Variants in LCLAT1 observed in about 807,000 individuals in gnomAD.
The protein encoded by LCLAT1 is lysocardiolipin acyltransferase 1.
A neutral mutation model predicts 30.7 loss-of-function variants in LCLAT1; 11 were observed. That is an observed-to-expected ratio of 0.36 (90% CI 0.23 to 0.59). LCLAT1 has a LOEUF of 0.59. LCLAT1 is among the 20% of genes least tolerant of loss of function. The probability of loss-of-function intolerance (pLI) is 0.77; values close to 1 mark genes in which losing one functional copy is unlikely to be tolerated. For missense variants in LCLAT1, 402 were observed against 458.6 expected (o/e 0.88, Z 1.13); for synonymous variants, 155 against 151.3 (o/e 1.02, Z -0.18).
At chr2:30,636,868 CTG>C (rs1558572179) in intron 5 of LCLAT1, among the ~76,000 whole-genome samples, 1 of 152,178 alleles carries the variant, frequency 6.6e-6, no homozygotes, top group African/African-American at 2.4e-5. Context: ...TTAAGATTGA[CTG>C]TGACACTCAC....
At chr2:30,612,588 AT>A (rs1266643362) in intron 5 of LCLAT1, among the ~76,000 whole-genome samples, 6 of 152,196 alleles carry the variant, frequency 3.9e-5, no homozygotes, top group African/African-American at 1.4e-4. Context: ...TAATATAGTG[AT>A]TGCACAGATT....
intron 1 of LCLAT1, among the ~76,000 whole-genome samples, chr2:30,488,269 TTGGC>T (rs1489871136): frequency 3.3e-5 from 5 of 152,258 alleles, no homozygotes. Flanking sequence ...TCAGATTACT[TTGGC>T]TGTAAGTTTC....
chr2:30,579,586 G>A (rs1324531638), intron 5 of LCLAT1, among the ~76,000 whole-genome samples: 1 of 152,112 alleles, frequency 6.6e-6, no homozygotes, highest in Non-Finnish European at 1.5e-5. Flanking sequence ...TAGGGAATAG[G>A]ACTTTGAATT....
intron 3 of LCLAT1, among the ~76,000 whole-genome samples, chr2:30,551,817 C>A (rs934523074): frequency 1.9e-4 from 29 of 152,240 alleles, no homozygotes; most frequent in African/African-American, 6.5e-4. Flanking sequence ...CCTCCCTCTT[C>A]CACTTAAAAA....
chr2:30,557,468 G>C (rs1239387969), intron 3 of LCLAT1, among the ~76,000 whole-genome samples: 1 of 151,630 alleles, frequency 6.6e-6, no homozygotes, highest in Non-Finnish European at 1.5e-5. Flanking sequence ...AGCCTGGAGT[G>C]CAATGGCACA....
intron 5 of LCLAT1, among the ~76,000 whole-genome samples, chr2:30,636,705 T>C (rs1669044742): frequency 1.3e-5 from 2 of 152,134 alleles, no homozygotes; most frequent in African/African-American, 2.4e-5. Context: ...ACCTTTACTA[T>C]AGATCATCAA....
chr2:30,640,273 T>C lies in LCLAT1; in HGVS notation c.785T>C (p.Leu262Pro). The C allele has an allele frequency of 6.2e-7, 1 of 1,614,160 alleles. No homozygotes were observed. Among genetic ancestry groups the C allele is most frequent in the Non-Finnish European group, 8.5e-7 (1 of 1,180,022 alleles). Residue 262 changes from leucine to proline, a missense_variant, in exon 6 of 6, where the codon CTT (leucine) becomes CCT (proline). By Grantham distance (98) the Leu-to-Pro change is moderately conservative. Coordinates refer to ENST00000379509, the MANE Select transcript of LCLAT1 (RefSeq NM_001002257.3). Reference protein sequence around the residue: ...IDTLPTSKEDLQLWCHKRWEE... With the variant: ...IDTLPTSKEDPQLWCHKRWEE... Reference sequence around the variant, plus strand: ...ACCCTCCCCACATCCAAGGAGGACCTTCAACTCTGGTGCCACAAACGGTGG... The same window carrying C: ...ACCCTCCCCACATCCAAGGAGGACCCTCAACTCTGGTGCCACAAACGGTGG...
intron 1 of LCLAT1, among the ~76,000 whole-genome samples, chr2:30,458,375 TAGAC>T (rs1020723704): frequency 6.6e-6 from 1 of 152,202 alleles, no homozygotes; most frequent in African/African-American, 2.4e-5. Context: ...TGGATCTTGA[TAGAC>T]AGAAGGCTTT....
At chr2:30,583,135 A>G (rs1249010106) in intron 5 of LCLAT1, among the ~76,000 whole-genome samples, 1 of 152,226 alleles carries the variant, frequency 6.6e-6, no homozygotes, top group Non-Finnish European at 1.5e-5. Context: ...CAACACATAT[A>G]ACTAGCTATT....
chr2:30,506,338 A>C (rs1308937760), intron 1 of LCLAT1, among the ~76,000 whole-genome samples: 1 of 152,016 alleles, frequency 6.6e-6, no homozygotes, highest in East Asian at 1.9e-4. Flanking sequence ...TGTCTTTGGA[A>C]TATTTTTAAC....
intron 3 of LCLAT1, among the ~76,000 whole-genome samples, chr2:30,540,977 T>A (rs962968702): frequency 1.3e-5 from 2 of 152,180 alleles, no homozygotes; most frequent in Non-Finnish European, 2.9e-5. Flanking sequence ...TTATTTTTTT[T>A]AAAGGTAATG....
intron 1 of LCLAT1, among the ~76,000 whole-genome samples, chr2:30,480,927 G>C (rs536257093): frequency 1.3e-5 from 2 of 152,338 alleles, no homozygotes; most frequent in South Asian, 4.1e-4. Flanking sequence ...ACTGCTGGCT[G>C]TAATGAGAGC....
intron 5 of LCLAT1, among the ~76,000 whole-genome samples, chr2:30,615,685 A>G (rs994458153): frequency 1.3e-5 from 2 of 152,190 alleles, no homozygotes; most frequent in African/African-American, 2.4e-5. Context: ...GTCTTTCTCC[A>G]TAAGACTTAT....
Position 30,643,697 on chromosome 2 carries a change from A to T in LCLAT1, c.*3078A>T, listed in dbSNP as rs1002765137. 6.6e-6 allele frequency: 1 copy of T among 152,628 alleles called. No individual in the cohort carries two copies. Among genetic ancestry groups the T allele is most frequent in the Non-Finnish European group, 1.5e-5 (1 of 68,040 alleles). 9.5% of individuals were successfully genotyped at this position (152,628 alleles called of 1,614,324 possible). A position where few individuals can be genotyped will look rare whatever the true frequency, so the allele number is the denominator to read the frequency against. On this transcript the variant is annotated 3_prime_UTR_variant, in exon 6 of 6. Transcript: ENST00000379509. ...GTGTGCATTTACAATAAAGACTCCA[A>T]CGGAGGGAGCCTGTTGGTGTTAAAT...
At chr2:30,628,070 A>G (rs1040514906) in intron 5 of LCLAT1, among the ~76,000 whole-genome samples, 20 of 152,214 alleles carry the variant, frequency 1.3e-4, no homozygotes, top group Non-Finnish European at 2.8e-4. Flanking sequence ...TAAGTTGGCT[A>G]TATATATACA....
At chr2:30,507,427 T>C (rs1020573638) in intron 1 of LCLAT1, among the ~76,000 whole-genome samples, 2 of 152,162 alleles carry the variant, frequency 1.3e-5, no homozygotes, top group African/African-American at 4.8e-5. Context: ...GTCACCCAGG[T>C]ATTAAGCCTA....
chr2:30,546,120 A>G (rs1664398438), intron 3 of LCLAT1, among the ~76,000 whole-genome samples: 1 of 152,182 alleles, frequency 6.6e-6, no homozygotes, highest in Non-Finnish European at 1.5e-5. Flanking sequence ...ATCAGAGAGA[A>G]GCCAGCAGGA....
At chr2:30,576,036 GATT>G (rs971021855) in intron 5 of LCLAT1, among the ~76,000 whole-genome samples, 34 of 151,994 alleles carry the variant, frequency 2.2e-4, no homozygotes, top group African/African-American at 8.0e-4. Flanking sequence ...TTTATTAGAT[GATT>G]ATCATTTTCA....
At chr2:30,610,636 T>C (rs937567446) in intron 5 of LCLAT1, among the ~76,000 whole-genome samples, 13 of 152,146 alleles carry the variant, frequency 8.5e-5, no homozygotes, top group African/African-American at 2.9e-4. Flanking sequence ...TCACAAGTGC[T>C]GTAACAGGCT....
Sources: gnomAD v4.1 joint callset for allele counts (sites outside exome capture counted in the v4.1 genomes callset) on GRCh38, gnomAD v4.1.1 for gene constraint, MANE v1.5 for transcripts, NCBI Gene and HGNC (gene_info 2026-07-23, HGNC 2026-07-21) for gene names.